The following ERAP2 variants were observed in gnomAD, a reference collection of about 807,000 sequenced individuals.
ERAP2 encodes the protein leukocyte-derived arginine aminopeptidase.
A neutral mutation model predicts 111.1 loss-of-function variants in ERAP2; 118 were observed. The observed-to-expected ratio is 1.06, with a 90% CI of 0.92 to 1.24. ERAP2 has a LOEUF of 1.24. Among genes scored for constraint, ERAP2 ranks in the 50% most tolerant of loss-of-function variants. The probability of loss-of-function intolerance (pLI) is 0.00; values close to 1 mark genes in which losing one functional copy is unlikely to be tolerated. For synonymous variants in ERAP2, 410 were observed against 401.2 expected, an observed-to-expected ratio of 1.02 and a Z score of -0.26; for missense variants, 1,131 against 1,125.8, an observed-to-expected ratio of 1.00 and a Z score of -0.07.
At chr5:96,910,022 T>C (rs535155274) in intron 15 of ERAP2, 2 of 316,116 alleles carry the variant, frequency 6.3e-6, no homozygotes, top group East Asian at 1.1e-4. Context: ...TCCCAGCACT[T>C]TGGGAGGCCA....
chr5:96,876,597 G>A (rs972517106), intron 1 of ERAP2, 70 bp downstream of exon 1: 5 of 152,294 alleles, frequency 3.3e-5, no homozygotes, highest in African/African-American at 1.2e-4. Flanking sequence ...ATGAACTGAA[G>A]GTATAGAACT....
chr5:96,909,829 C>A, intron 15 of ERAP2, 65 bp downstream of exon 15: 4 of 1,514,922 alleles, frequency 2.6e-6, no homozygotes, highest in African/African-American at 1.4e-5. Context: ...TTTGATCAAG[C>A]AAGACATTAG....
intron 5 of ERAP2, among the ~76,000 whole-genome samples, chr5:96,891,582 C>T (rs1007791562): frequency 9.9e-5 from 15 of 151,080 alleles, no homozygotes; most frequent in African/African-American, 3.4e-4. Flanking sequence ...TACACACACA[C>T]ACACACACAC....
chr5:96,891,432 G>C (rs1288715982), intron 5 of ERAP2, among the ~76,000 whole-genome samples: 1 of 143,734 alleles, frequency 7.0e-6, no homozygotes, highest in African/African-American at 2.6e-5. Context: ...CACATATACA[G>C]GTACATATAT....
intron 15 of ERAP2, among the ~76,000 whole-genome samples, chr5:96,910,819 A>G (rs947144420): frequency 2.6e-5 from 4 of 152,196 alleles, no homozygotes; most frequent in South Asian, 2.1e-4. Context: ...TACTTCATTC[A>G]TTTGTGGATT....
chr5:96,897,185 C>A (rs1784968670), intron 9 of ERAP2, among the ~76,000 whole-genome samples: 1 of 152,144 alleles, frequency 6.6e-6, no homozygotes, highest in South Asian at 2.1e-4. Flanking sequence ...TAATCTCTGG[C>A]AAATTTTAAG....
chr5:96,877,230 C>T (rs1782625648), intron 1 of ERAP2, among the ~76,000 whole-genome samples: 1 of 152,150 alleles, frequency 6.6e-6, no homozygotes, highest in African/African-American at 2.4e-5. Context: ...CCACCTTGGC[C>T]TCCCAAAATG....
intron 16 of ERAP2, 80 bp from the exon 17 acceptor site, chr5:96,913,237 T>A (rs1787003358): frequency 1.8e-6 from 2 of 1,124,238 alleles, no homozygotes; most frequent in Non-Finnish European, 2.6e-6. Flanking sequence ...GTTCTATTCT[T>A]TTAATATATT....
intron 13 of ERAP2, among the ~76,000 whole-genome samples, chr5:96,907,962 T>A (rs763645726): frequency 5.3e-5 from 8 of 152,102 alleles, no homozygotes; most frequent in Non-Finnish European, 8.8e-5. Context: ...CAGGTGAAAT[T>A]TTTGAAAAAA....
chr5:96,883,889 C>T lies in ERAP2; in HGVS notation c.673C>T (p.Arg225Ter), dbSNP rs138972366. ...LFKANFSIKI[R>*]RESRHIALSN... is the part of the protein sequence containing the mutation. Reference sequence around the variant, plus strand: ...CAAAGCCAACTTTTCAATCAAGATACGAAGAGAGAGCAGGCATATTGCACT... The same window carrying T: ...CAAAGCCAACTTTTCAATCAAGATATGAAGAGAGAGCAGGCATATTGCACT... The change falls in exon 3 of 19, where the codon CGA (arginine) becomes TGA (stop). Residue 225 changes from arginine (R) to a stop codon, truncating the protein, a stop_gained. Coordinates refer to ENST00000437043, the MANE Select transcript of ERAP2 (RefSeq NM_022350.5). LOFTEE classifies it high-confidence loss of function. The T allele has an allele frequency of 4.8e-5, 77 of 1,613,450 alleles. 1 individual carries two copies. In the African/African-American group the frequency reaches 6.4e-4, roughly 13 times the overall value.
intron 3 of ERAP2, among the ~76,000 whole-genome samples, chr5:96,884,555 T>TTTTTTTTG (rs1783527089): frequency 6.6e-6 from 1 of 151,156 alleles, no homozygotes; most frequent in South Asian, 2.1e-4. Flanking sequence ...TATACAAGTT[T>TTTTTTTTG]TTTGTTTGTT....
At chr5:96,894,432 G>C (rs1219087376) in intron 6 of ERAP2, among the ~76,000 whole-genome samples, 1 of 152,008 alleles carries the variant, frequency 6.6e-6, no homozygotes, top group Non-Finnish European at 1.5e-5. Flanking sequence ...CTATAACCAG[G>C]CTCTTCTGAA....
intron 3 of ERAP2, among the ~76,000 whole-genome samples, chr5:96,885,687 G>C (rs1783644910): frequency 6.6e-6 from 1 of 152,232 alleles, no homozygotes; most frequent in South Asian, 2.1e-4. Context: ...CTCCCAGAAA[G>C]GGCTCAGGGA....
At chr5:96,880,361 C>T (rs1290523334) in intron 2 of ERAP2, 101 bp downstream of exon 2, 1 of 1,066,976 alleles carries the variant, frequency 9.4e-7, no homozygotes, top group African/African-American at 1.6e-5. Context: ...TATGAGAAAT[C>T]CAGTGAACTA....
Position 96,879,621 on chromosome 5 carries a change from T to G in ERAP2, c.-65T>G. 2.2e-6 allele frequency: 3 copies of G among 1,335,372 alleles called. No homozygotes were observed. The highest frequency in any genetic ancestry group is 1.1e-6 in the Non-Finnish European group (1 of 938,998). 82.7% of individuals were successfully genotyped at this position (1,335,372 alleles called of 1,614,324 possible). A position where few individuals can be genotyped will look rare whatever the true frequency, so the allele number is the denominator to read the frequency against. Reference sequence around the variant, plus strand: ...CCCCATGTGACATAACTGGAGCCAGTGCAGTGCCATGAAGAACTACGAGAT... The same window carrying G: ...CCCCATGTGACATAACTGGAGCCAGGGCAGTGCCATGAAGAACTACGAGAT... On this transcript the variant is annotated 5_prime_UTR_variant, in exon 2 of 19. Coordinates refer to ENST00000437043, the MANE Select transcript of ERAP2 (RefSeq NM_022350.5).
chr5:96,909,748 T>C lies in ERAP2; in HGVS notation c.2338T>C (p.Ser780Pro). 1 of 1,614,062 alleles carries C rather than the reference T, an allele frequency of 6.2e-7. No individual in the cohort carries two copies. Among genetic ancestry groups the C allele is most frequent in the Non-Finnish European group, 8.5e-7 (1 of 1,179,928 alleles). ...TGAACTCTTCTCCCAGTGGATGGAA[T>C]CCAGTGGAAAATTAAAGTAGATGTA... Reference protein sequence around the residue: ...AAELFSQWMESSGKLNIPTDV... With the variant: ...AAELFSQWMEPSGKLNIPTDV... Residue 780 changes from serine to proline, a missense_variant, in exon 15 of 19, where the codon TCC becomes CCC. By Grantham distance (74) the Ser-to-Pro change is moderately conservative. This residue lies in a region of ERAP2 where 279 missense variants were observed against 250.9 expected (regional missense o/e 1.11). Coordinates refer to ENST00000437043, the MANE Select transcript of ERAP2 (RefSeq NM_022350.5).
intron 18 of ERAP2, among the ~76,000 whole-genome samples, chr5:96,916,412 T>C (rs867902364): frequency 7.9e-5 from 12 of 151,798 alleles, no homozygotes; most frequent in African/African-American, 2.4e-4. Context: ...GGAAGCGTAC[T>C]TAATGATCTT....
intron 3 of ERAP2, among the ~76,000 whole-genome samples, chr5:96,885,128 G>C (rs1304485043): frequency 6.6e-6 from 1 of 152,138 alleles, no homozygotes; most frequent in Non-Finnish European, 1.5e-5. Flanking sequence ...ACGCCCATTT[G>C]CCTCCGAACC....
chr5:96,883,885 G>T lies in ERAP2; in HGVS notation c.669G>T (p.Lys223Asn). 6.2e-7 allele frequency: 1 copy of T among 1,613,698 alleles called. No individual in the cohort carries two copies. The highest frequency in any genetic ancestry group is 8.5e-7 in the Non-Finnish European group (1 of 1,179,820). Residue 223 changes from lysine to asparagine, a missense_variant, in exon 3 of 19, where the codon AAG becomes AAT. Lys to Asn is a moderately conservative substitution (Grantham distance 94, BLOSUM62 0). Around this residue, in one of 3 missense-constraint regions of ERAP2, gnomAD observed 847 missense variants for 856.5 expected, o/e 0.99. Transcript: ENST00000437043. ...TGTTCAAAGCCAACTTTTCAATCAA[G>T]ATACGAAGAGAGAGCAGGCATATTG... The part of the protein sequence containing the change: ...EPLFKANFSI[K>N]IRRESRHIAL...
Sources: gnomAD v4.1 joint callset for allele counts (sites outside exome capture counted in the v4.1 genomes callset) on GRCh38, gnomAD v4.1.1 for gene constraint, gnomAD v4.1.1 regional missense constraint, MANE v1.5 for transcripts, NCBI Gene and HGNC (gene_info 2026-07-23, HGNC 2026-07-21) for gene names.